The following CCSER1 variants were observed in gnomAD, a reference collection of about 807,000 sequenced individuals.
CCSER1 encodes coiled-coil serine rich protein 1.
Under a neutral mutation model 82.0 loss-of-function variants are expected in CCSER1, and 41 were observed. The observed-to-expected ratio is 0.50, with a 90% CI of 0.39 to 0.65. The LOEUF is 0.65. Among genes scored for constraint, CCSER1 ranks in the 30% least tolerant of loss-of-function variants. CCSER1 has a pLI of 0.00. For missense variants in CCSER1, 1,119 were observed against 1,064.2 expected, an observed-to-expected ratio of 1.05 and a Z score of -0.72; for synonymous variants, 414 against 383.9, an observed-to-expected ratio of 1.08 and a Z score of -0.92.
intron 1 of CCSER1, among the ~76,000 whole-genome samples, chr4:90,277,088 T>G (rs1183068698): frequency 6.6e-6 from 1 of 152,230 alleles, no homozygotes; most frequent in Non-Finnish European, 1.5e-5. Flanking sequence ...TTTTTTTCTC[T>G]TGCCTGGCTG....
chr4:90,589,407 G>A (rs1411429515), intron 5 of CCSER1, among the ~76,000 whole-genome samples: 1 of 151,762 alleles, frequency 6.6e-6, no homozygotes, highest in African/African-American at 2.4e-5. Flanking sequence ...CCAGAGATGG[G>A]TTATTGAAAA....
At chr4:90,147,989 AC>A (rs1277971377) in intron 1 of CCSER1, among the ~76,000 whole-genome samples, 1 of 152,096 alleles carries the variant, frequency 6.6e-6, no homozygotes, top group East Asian at 1.9e-4. Context: ...ACATGGCAAA[AC>A]CCTGTTTCTA....
intron 8 of CCSER1, among the ~76,000 whole-genome samples, chr4:90,912,338 C>G (rs1038522288): frequency 6.6e-6 from 1 of 152,186 alleles, no homozygotes; most frequent in African/African-American, 2.4e-5. Flanking sequence ...CACCAATATT[C>G]GCTATTCTGC....
intron 1 of CCSER1, among the ~76,000 whole-genome samples, chr4:90,145,989 A>G (rs1725733144): frequency 6.6e-6 from 1 of 152,054 alleles, no homozygotes; most frequent in South Asian, 2.1e-4. Flanking sequence ...TGGCTTGATA[A>G]TTGGCATTTG....
chr4:90,798,018 C>T (rs933784432), intron 7 of CCSER1, among the ~76,000 whole-genome samples: 6 of 152,134 alleles, frequency 3.9e-5, no homozygotes, highest in African/African-American at 1.4e-4. Flanking sequence ...GAATGTTGGC[C>T]TCTCTAGGTA....
chr4:90,778,625 T>G (rs2149598668), intron 7 of CCSER1, among the ~76,000 whole-genome samples: 1 of 152,166 alleles, frequency 6.6e-6, no homozygotes, highest in Non-Finnish European at 1.5e-5. Flanking sequence ...ACACATTTTT[T>G]TCTACATCTT....
intron 10 of CCSER1, among the ~76,000 whole-genome samples, chr4:91,498,141 A>G (rs886196803): frequency 2.0e-5 from 3 of 152,012 alleles, no homozygotes; most frequent in Admixed American, 6.6e-5. Flanking sequence ...CAGAGTGAGA[A>G]AGGCAAAATG....
At chr4:90,233,933 C>G (rs1745233362) in intron 1 of CCSER1, among the ~76,000 whole-genome samples, 1 of 152,018 alleles carries the variant, frequency 6.6e-6, no homozygotes, top group African/African-American at 2.4e-5. Context: ...TACGTTGTTT[C>G]TATTAAAATG....
intron 10 of CCSER1, among the ~76,000 whole-genome samples, chr4:91,199,860 T>C (rs929624249): frequency 1.3e-5 from 2 of 152,014 alleles, no homozygotes; most frequent in Admixed American, 1.3e-4. Flanking sequence ...ATGAAAAAGT[T>C]TTCCACAGTT....
chr4:90,339,324 G>A (rs757620779), intron 3 of CCSER1, among the ~76,000 whole-genome samples: 54 of 152,058 alleles, frequency 3.6e-4, no homozygotes, highest in African/African-American at 9.9e-4. Flanking sequence ...TCTTGCCATC[G>A]CCTCCCAGCT....
At chr4:90,352,179 C>A (rs928409802) in intron 3 of CCSER1, among the ~76,000 whole-genome samples, 5 of 151,942 alleles carry the variant, frequency 3.3e-5, no homozygotes, top group Middle Eastern at 3.2e-3. Context: ...AAAAAATTAG[C>A]CGGGCGTGGT....
chr4:91,238,319 G>C (rs1445169734), intron 10 of CCSER1, among the ~76,000 whole-genome samples: 1 of 152,090 alleles, frequency 6.6e-6, no homozygotes, highest in African/African-American at 2.4e-5. Context: ...GAGCAGTTCT[G>C]GGACAATAGA....
intron 4 of CCSER1, among the ~76,000 whole-genome samples, chr4:90,441,126 T>C (rs1016828003): frequency 1.3e-5 from 2 of 152,174 alleles, no homozygotes; most frequent in Non-Finnish European, 2.9e-5. Flanking sequence ...AGCCAAGCAA[T>C]CCTTTAAGAA....
At chr4:90,771,011 A>G (rs1236829266) in intron 7 of CCSER1, among the ~76,000 whole-genome samples, 1 of 152,106 alleles carries the variant, frequency 6.6e-6, no homozygotes, top group African/African-American at 2.4e-5. Context: ...TAGTTTTTTA[A>G]TCATTCAGGA....
At chr4:90,750,079 A>G (rs1026778703) in intron 7 of CCSER1, among the ~76,000 whole-genome samples, 2 of 151,970 alleles carry the variant, frequency 1.3e-5, no homozygotes, top group Non-Finnish European at 2.9e-5. Context: ...TTTTGGCTGC[A>G]TAAATGTCTT....
rs377347440 is a variant in CCSER1, at chr4:90,923,366, G to C, written c.2095-4G>C. ...TGTGTTGTTGCTGTTTTTTCATTTT[G>C]CAGGGAAAAGTCCGGCATTTACAGA... On this transcript the variant is annotated splice_region_variant and splice_polypyrimidine_tract_variant and intron_variant, in intron 8 of 10. Transcript: ENST00000509176. 2 of 1,549,578 alleles carry C rather than the reference G, an allele frequency of 1.3e-6. 1 individual carries two copies. The highest frequency in any genetic ancestry group is 2.4e-5 in the South Asian group (2 of 83,984).
intron 10 of CCSER1, among the ~76,000 whole-genome samples, chr4:91,165,392 C>G (rs932091143): frequency 6.6e-6 from 1 of 152,032 alleles, no homozygotes; most frequent in African/African-American, 2.4e-5. Flanking sequence ...TGTCAGGGAC[C>G]CACTTGAGGA....
chr4:90,687,425 T>C (rs1486787720), intron 6 of CCSER1, among the ~76,000 whole-genome samples: 1 of 152,104 alleles, frequency 6.6e-6, no homozygotes, highest in Middle Eastern at 3.2e-3. Context: ...AATAGACACT[T>C]GTTCTTTAGG....
rs145218578 is a variant in CCSER1 at position 90,213,657 on chromosome 4, A to G, written c.-42+85826A>G. Among the ~76,000 whole-genome samples, 450 of 152,324 alleles carry G rather than the reference A, an allele frequency of 3.0e-3. 2 individuals carry two copies. Among genetic ancestry groups the G allele is most frequent in the Non-Finnish European group, 4.7e-3 (323 of 68,028 alleles). The stretch of plus-strand genomic sequence containing the variant: ...ATGCTTGGTGAGGGACAAGCCAAGA[A>G]GTGAGGAGGAAAACCAGGAGAGTTT... On this transcript the variant is annotated intron_variant, in intron 1 of 10. Transcript: ENST00000509176.
Sources: allele counts gnomAD v4.1 joint callset (sites outside exome capture counted in the v4.1 genomes callset), GRCh38; gene constraint gnomAD v4.1.1; transcripts MANE v1.5; gene names NCBI Gene and HGNC (gene_info 2026-07-23, HGNC 2026-07-21).